BCR: variants seen among roughly 807,000 people sequenced by gnomAD.
The protein encoded by BCR is BCR activator of RhoGEF and GTPase.
A neutral mutation model predicts 138.6 loss-of-function variants in BCR; 58 were observed. The ratio of observed to expected loss-of-function variants is 0.42; its 90% confidence interval spans 0.34 to 0.52. The LOEUF is 0.52. BCR is among the 20% of genes least tolerant of loss of function. The pLI, the probability that BCR is intolerant of heterozygous loss-of-function variation, is 0.06. For missense variants in BCR, 1,599 were observed against 1,727.2 expected, an observed-to-expected ratio of 0.93 and a Z score of 1.32; for synonymous variants, 786 against 730.1, an observed-to-expected ratio of 1.08 and a Z score of -1.23.
chr22:23,282,992 C>T (rs1233381500), intron 8 of BCR, among the ~76,000 whole-genome samples: 1 of 152,208 alleles, frequency 6.6e-6, no homozygotes, highest in African/African-American at 2.4e-5. Context: ...TAAGGACCTG[C>T]CTACAGCCTG....
chr22:23,277,664 A>G (rs1242494424), intron 8 of BCR, among the ~76,000 whole-genome samples: 2 of 152,142 alleles, frequency 1.3e-5, no homozygotes, highest in African/African-American at 4.8e-5. Context: ...GAGGTGGCCC[A>G]TTGCTACCTG....
intron 11 of BCR, among the ~76,000 whole-genome samples, chr22:23,287,870 A>T (rs1227401421): frequency 6.6e-6 from 1 of 152,024 alleles, no homozygotes; most frequent in Non-Finnish European, 1.5e-5. Context: ...TCACACCCTG[A>T]CCCATGTAGT....
rs577456032 is a variant in BCR at position 23,254,104 on chromosome 22, C to T, written c.1461+124C>T. 3.0e-5 allele frequency: 34 copies of T among 1,121,700 alleles called. No individual in the cohort carries two copies. In the South Asian group the frequency reaches 4.6e-4, roughly 15 times the overall value. The allele number at this position is 1,121,700 out of a possible 1,614,324, so 69.5% of individuals were successfully genotyped here. ...GCCAATGGTTTGGAAGCGAGTGGGT[C>T]ACCAAAAACTCCTTCCTCATCTCTA... On this transcript the variant is annotated intron_variant, in intron 2 of 22. Coordinates refer to ENST00000305877, the MANE Select transcript of BCR (RefSeq NM_004327.4).
At chr22:23,188,242 C>T (rs548034338) in intron 1 of BCR, among the ~76,000 whole-genome samples, 4 of 152,278 alleles carry the variant, frequency 2.6e-5, no homozygotes, top group South Asian at 2.1e-4. Flanking sequence ...ATTTTACAAG[C>T]GTTCTCTGGT....
Position 23,290,924 on chromosome 22 carries a change from G to A in BCR, c.2782+511G>A, listed in dbSNP as rs78168495. ...ATGAGTTGCACTGTGTAAGTTTCTCGAGGCCGGGCGCAGTGGCTCATGCCT... is the reference window on the plus strand; with the variant it reads ...ATGAGTTGCACTGTGTAAGTTTCTCAAGGCCGGGCGCAGTGGCTCATGCCT... On this transcript the variant is annotated intron_variant, in intron 14 of 22. Transcript: ENST00000305877. 6.0e-3 allele frequency: 975 copies of A among 162,498 alleles called. 7 individuals carry two copies. The highest frequency in any genetic ancestry group is 0.016 in the Middle Eastern group (5 of 322). 10.1% of individuals were successfully genotyped at this position (162,498 alleles called of 1,614,324 possible).
intron 1 of BCR, among the ~76,000 whole-genome samples, chr22:23,212,303 C>T (rs1312780420): frequency 6.6e-6 from 1 of 152,064 alleles, no homozygotes; most frequent in Non-Finnish European, 1.5e-5. Flanking sequence ...CAGGAGGGGA[C>T]CCTGAAGGAT....
At chr22:23,240,336 TGTGTG>T (rs1354252705) in intron 1 of BCR, among the ~76,000 whole-genome samples, 288 of 151,932 alleles carry the variant, frequency 1.9e-3, no homozygotes, top group Non-Finnish European at 1.1e-3. Context: ...TGTGTGTGTG[TGTGTG>T]TGTCTGTCTA....
At chr22:23,190,375 C>T (rs1351749980) in intron 1 of BCR, among the ~76,000 whole-genome samples, 1 of 152,094 alleles carries the variant, frequency 6.6e-6, no homozygotes, top group Non-Finnish European at 1.5e-5. Context: ...ACCATGTTAG[C>T]CAGCCTGGTC....
At chr22:23,303,780 G>A (rs2073928399) in intron 16 of BCR, among the ~76,000 whole-genome samples, 1 of 152,190 alleles carries the variant, frequency 6.6e-6, no homozygotes, top group African/African-American at 2.4e-5. Context: ...TCTATTGAGA[G>A]CCACTTTTGG....
chr22:23,270,360 G>A (rs1283803880), intron 5 of BCR, among the ~76,000 whole-genome samples: 1 of 152,132 alleles, frequency 6.6e-6, no homozygotes, highest in African/African-American at 2.4e-5. Flanking sequence ...GGAAATGCAG[G>A]GTTAAACCAA....
intron 16 of BCR, 29 bp from the exon 17 acceptor site, chr22:23,309,395 C>T (rs565165577): frequency 6.4e-7 from 1 of 1,551,834 alleles, no homozygotes; most frequent in South Asian, 1.2e-5. Context: ...ACCCCAGGGC[C>T]TCTGCCAATC....
intron 16 of BCR, among the ~76,000 whole-genome samples, chr22:23,307,944 A>G (rs1028206381): frequency 4.5e-4 from 61 of 134,778 alleles, no homozygotes; most frequent in Middle Eastern, 3.5e-3. Flanking sequence ...AGGTGGCTGT[A>G]GCCGCTAGGG....
chr22:23,283,832 G>A (rs767239268), intron 8 of BCR, 145 bp from the exon 9 acceptor site: 40 of 1,080,530 alleles, frequency 3.7e-5, no homozygotes, highest in Non-Finnish European at 1.5e-5. Context: ...GAAAGTGGGT[G>A]TGAGGGTCAG....
intron 1 of BCR, among the ~76,000 whole-genome samples, chr22:23,212,148 A>G (rs1032095922): frequency 6.6e-6 from 1 of 152,028 alleles, no homozygotes; most frequent in Non-Finnish European, 1.5e-5. Flanking sequence ...CTTCTTTGTT[A>G]TCTTTGCTGC....
rs147698445 is a variant in BCR at position 23,252,820 on chromosome 22, T to C, written c.1280-979T>C. On this transcript the variant is annotated intron_variant, in intron 1 of 22. Coordinates refer to ENST00000305877, the MANE Select transcript of BCR (RefSeq NM_004327.4). ...ACACAAGCTCAACGCAGAACACTTA[T>C]GTGACCAAATGTAGGGGTTTTTCCC... 2.9e-4 allele frequency among the ~76,000 whole-genome samples: 44 copies of C among 152,328 alleles called. 1 individual carries two copies. The highest frequency in any genetic ancestry group is 8.9e-4 in the African/African-American group (37 of 41,576).
At position 23,273,838 on chromosome 22, in the gene BCR, C is replaced by G; in HGVS notation, c.2115+64C>G. On this transcript the variant is annotated intron_variant, in intron 8 of 22. Coordinates refer to ENST00000305877, the MANE Select transcript of BCR (RefSeq NM_004327.4). ...GCTGAGCTGGGGGCATGCAGGGCCC[C>G]TCGATCTGAGGTCTGGAGCCCTTCC... The G allele has an allele frequency of 3.1e-6, 5 of 1,600,450 alleles. No individual in the cohort carries two copies. In the South Asian group the frequency reaches 4.4e-5, roughly 14 times the overall value.
At chr22:23,207,996 G>T (rs923915753) in intron 1 of BCR, among the ~76,000 whole-genome samples, 1 of 152,180 alleles carries the variant, frequency 6.6e-6, no homozygotes, top group Non-Finnish European at 1.5e-5. Flanking sequence ...GCTGAGGCAG[G>T]TGTGCCCATC....
At chr22:23,182,751 C>T (rs755315657) in intron 1 of BCR, among the ~76,000 whole-genome samples, 2 of 152,174 alleles carry the variant, frequency 1.3e-5, no homozygotes, top group Non-Finnish European at 2.9e-5. Flanking sequence ...CTAGCTGCTC[C>T]TAGGCCATAG....
In BCR at chr22:23,273,657, C is replaced by A; in HGVS notation, c.1998C>A (p.Ala666=). Residue 666 remains alanine, a synonymous_variant, in exon 8 of 23, where the codon GCC becomes GCA. Coordinates refer to ENST00000305877, the MANE Select transcript of BCR (RefSeq NM_004327.4). ...VLHDLLKHTP[A]SHPDHPLLQD... Reference sequence around the variant, plus strand: ...AGGACTTGCTGAAGCACACTCCTGCCAGCCACCCTGACCACCCCTTGCTGC... The same window carrying A: ...AGGACTTGCTGAAGCACACTCCTGCAAGCCACCCTGACCACCCCTTGCTGC... 1 of 1,613,994 alleles carries A rather than the reference C, an allele frequency of 6.2e-7. No individual in the cohort carries two copies. Among genetic ancestry groups the A allele is most frequent in the African/African-American group, 1.3e-5 (1 of 75,064 alleles).
Sources: gnomAD v4.1 joint callset for allele counts (sites outside exome capture counted in the v4.1 genomes callset) on GRCh38, gnomAD v4.1.1 for gene constraint, MANE v1.5 for transcripts, NCBI Gene and HGNC (gene_info 2026-07-23, HGNC 2026-07-21) for gene names.